Variants in TRIQK observed in about 807,000 individuals in gnomAD.
TRIQK encodes triple QxxK/R motif containing.
A neutral mutation model predicts 10.8 loss-of-function variants in TRIQK; 10 were observed. That is an observed-to-expected ratio of 0.92 (90% CI 0.57 to 1.57). The LOEUF is 1.57. Ranked by LOEUF, TRIQK falls within the 40% of genes most tolerant of loss-of-function variation. TRIQK has a pLI of 0.00. For missense variants in TRIQK, 107 were observed against 97.7 expected (o/e 1.09, Z -0.40); for synonymous variants, 33 against 33.7 (o/e 0.98, Z 0.07).
chr8:92,901,747 T>C (rs1472512252), intron 3 of TRIQK, among the ~76,000 whole-genome samples: 1 of 152,180 alleles, frequency 6.6e-6, no homozygotes, highest in Non-Finnish European at 1.5e-5. Flanking sequence ...ATTACAGTAA[T>C]ACTGGCCTTG....
At chr8:92,972,716 C>T (rs1482308570) in intron 1 of TRIQK, 1 of 152,226 alleles carries the variant, frequency 6.6e-6, no homozygotes, top group Admixed American at 6.5e-5. Flanking sequence ...GAAGGCTAAG[C>T]AGTGCTGAGC....
intron 2 of TRIQK, among the ~76,000 whole-genome samples, chr8:92,920,403 A>C (rs1340075464): frequency 6.6e-6 from 1 of 151,736 alleles, no homozygotes; most frequent in African/African-American, 2.4e-5. Context: ...AAAAATATAG[A>C]GAATAGAAAG....
At chr8:92,980,398 C>T (rs1332822834) in intron 1 of TRIQK, among the ~76,000 whole-genome samples, 3 of 151,632 alleles carry the variant, frequency 2.0e-5, no homozygotes, top group East Asian at 3.9e-4. Flanking sequence ...CACTCACGCG[C>T]GTGTGTGTTC....
At chr8:92,936,592 A>G (rs1811001625) in intron 2 of TRIQK, among the ~76,000 whole-genome samples, 1 of 151,764 alleles carries the variant, frequency 6.6e-6, no homozygotes, top group Non-Finnish European at 1.5e-5. Context: ...AAAAATTAAA[A>G]GTTCTCTTTT....
At chr8:92,975,926 G>A (rs1300460570) in intron 1 of TRIQK, among the ~76,000 whole-genome samples, 2 of 151,634 alleles carry the variant, frequency 1.3e-5, no homozygotes, top group East Asian at 3.9e-4. Context: ...TGACTAATGG[G>A]TTACTTAGAA....
At chr8:92,915,711 G>A (rs1317962015) in intron 3 of TRIQK, among the ~76,000 whole-genome samples, 1 of 149,132 alleles carries the variant, frequency 6.7e-6, no homozygotes, top group Admixed American at 6.7e-5. Context: ...ATGTTAGCCA[G>A]GATGGTCTCG....
At chr8:92,956,679 C>T (rs1231502824) in intron 1 of TRIQK, among the ~76,000 whole-genome samples, 2 of 151,748 alleles carry the variant, frequency 1.3e-5, no homozygotes, top group African/African-American at 4.8e-5. Context: ...ACCATAATTA[C>T]ATAACACTCC....
At position 92,912,264 on chromosome 8, in the gene TRIQK, A is replaced by G. The variant is rs1586408202; in HGVS notation, c.61+4665T>C. 2.0e-5 allele frequency among the ~76,000 whole-genome samples: 3 copies of G among 151,978 alleles called. No homozygotes were observed. The South Asian group carries it at 6.2e-4, about 32-fold the overall frequency. ...AATAGAATAAAACTAGAAATCAATAACAAAAGGAAAATGGGAAATTCACGA... is the reference window on the plus strand; with the variant it reads ...AATAGAATAAAACTAGAAATCAATAGCAAAAGGAAAATGGGAAATTCACGA... On this transcript the variant is annotated intron_variant, in intron 3 of 4. Transcript: ENST00000521988.
At chr8:92,982,884 G>A (rs570621181) in intron 1 of TRIQK, among the ~76,000 whole-genome samples, 44 of 152,064 alleles carry the variant, frequency 2.9e-4, no homozygotes, top group Non-Finnish European at 6.0e-4. Context: ...AATCCATTTT[G>A]AAGAGTGTCG....
At chr8:93,010,287 A>G (rs1813318889) in intron 1 of TRIQK, among the ~76,000 whole-genome samples, 1 of 152,168 alleles carries the variant, frequency 6.6e-6, no homozygotes, top group Non-Finnish European at 1.5e-5. Context: ...CTACACAGAA[A>G]TGATGATTAA....
chr8:93,016,325 CT>C, intron 1 of TRIQK, among the ~76,000 whole-genome samples: 1 of 152,216 alleles, frequency 6.6e-6, no homozygotes, highest in East Asian at 1.9e-4. Context: ...CTGGCATTAT[CT>C]TTAGGTTTTA....
chr8:93,016,779 A>G (rs938222772), intron 1 of TRIQK, among the ~76,000 whole-genome samples: 1 of 152,186 alleles, frequency 6.6e-6, no homozygotes, highest in African/African-American at 2.4e-5. Flanking sequence ...CAGAGGCAGC[A>G]GCAGGTGCGA....
At position 92,885,329 on chromosome 8, in the gene TRIQK, T is replaced by C. The variant is rs1816420573; in HGVS notation, c.*1293A>G. ...AGATATTTCCCAAGGATTTCTTCTC[T>C]TGGCTAGCAGGAAAACAATCTTAAT... On this transcript the variant is annotated 3_prime_UTR_variant, in exon 5 of 5. Transcript: ENST00000521988. The C allele has an allele frequency of 5.1e-6, 1 of 195,732 alleles. No homozygotes were observed. The highest frequency in any genetic ancestry group is 1.1e-5 in the Non-Finnish European group (1 of 93,054). 12.1% of individuals were successfully genotyped at this position (195,732 alleles called of 1,614,324 possible).
intron 3 of TRIQK, 122 bp from the exon 4 acceptor site, chr8:92,892,196 C>T: frequency 4.6e-6 from 3 of 647,472 alleles, no homozygotes; most frequent in Non-Finnish European, 7.4e-6. Context: ...CAAAGTAGTT[C>T]CCAGTTGTGG....
At chr8:93,013,145 C>T (rs1813353175) in intron 1 of TRIQK, among the ~76,000 whole-genome samples, 1 of 152,120 alleles carries the variant, frequency 6.6e-6, no homozygotes, top group African/African-American at 2.4e-5. Flanking sequence ...CTTTGGGTCG[C>T]TCAATGGTGA....
At chr8:92,988,291 C>T (rs1813059387) in intron 1 of TRIQK, among the ~76,000 whole-genome samples, 2 of 152,114 alleles carry the variant, frequency 1.3e-5, no homozygotes, top group Admixed American at 6.5e-5. Context: ...GCTGGGATTA[C>T]AGGCGTGAGC....
chr8:92,887,310 A>G (rs567057912), intron 4 of TRIQK, among the ~76,000 whole-genome samples: 2 of 151,622 alleles, frequency 1.3e-5, no homozygotes, highest in African/African-American at 4.8e-5. Context: ...TACACTGCAG[A>G]GGAACAAAAC....
chr8:92,984,367 C>T (rs930652908), intron 1 of TRIQK, among the ~76,000 whole-genome samples: 3 of 147,646 alleles, frequency 2.0e-5, no homozygotes, highest in South Asian at 4.1e-4. Context: ...CCTACCATTA[C>T]ACGAGCCAAG....
chr8:92,900,373 T>C (rs1267738273), intron 3 of TRIQK, among the ~76,000 whole-genome samples: 1 of 152,142 alleles, frequency 6.6e-6, no homozygotes, highest in Non-Finnish European at 1.5e-5. Flanking sequence ...AGTAGTTTCA[T>C]AGTTTGAGGT....
Sources: allele counts gnomAD v4.1 joint callset (sites outside exome capture counted in the v4.1 genomes callset), GRCh38; gene constraint gnomAD v4.1.1; transcripts MANE v1.5; gene names NCBI Gene and HGNC (gene_info 2026-07-23, HGNC 2026-07-21).